The following RNF17 variants were observed in gnomAD, a reference collection of about 807,000 sequenced individuals.
The protein encoded by RNF17 is ring finger protein 17, also known as spermatogenesis associated 23.
In RNF17, 31 loss-of-function variants were observed where a neutral mutation model predicts 200.5. The observed-to-expected ratio is 0.15, with a 90% confidence interval of 0.12 to 0.21. The LOEUF is 0.21. Ranked by LOEUF, RNF17 falls within the 10% of genes least tolerant of loss-of-function variation. RNF17 has a pLI of 1.00. For missense variants in RNF17, 1,628 were observed against 1,905.1 expected, an observed-to-expected ratio of 0.85 and a Z score of 2.71; for synonymous variants, 606 against 637.8, an observed-to-expected ratio of 0.95 and a Z score of 0.75.
At chr13:24,806,897 T>A (rs1034099890) in intron 15 of RNF17, among the ~76,000 whole-genome samples, 1 of 149,946 alleles carries the variant, frequency 6.7e-6, no homozygotes, top group Non-Finnish European at 1.5e-5. Flanking sequence ...GAATATGCGG[T>A]GTTTGGTTTT....
chr13:24,824,571 G>A (rs9551151), intron 15 of RNF17, among the ~76,000 whole-genome samples: 26,681 of 152,018 alleles, frequency 0.18, 2,503 homozygotes, highest in South Asian at 0.32. Flanking sequence ...GGTAGTATAG[G>A]AAACTTTAGA....
At chr13:24,775,252 T>C (rs1277452643) in intron 3 of RNF17, among the ~76,000 whole-genome samples, 1 of 152,160 alleles carries the variant, frequency 6.6e-6, no homozygotes, top group African/African-American at 2.4e-5. Context: ...ATTTTTAAAA[T>C]TCTAAGTTTT....
At chr13:24,886,831 AAGGC>A in the RNF17 span, among the ~76,000 whole-genome samples, 2 of 152,232 alleles carry the variant, frequency 1.3e-5, no homozygotes, top group African/African-American at 4.8e-5. Context: ...CAACTAATAA[AAGGC>A]AGAACCAGGA....
Position 24,789,789 on chromosome 13 carries a change from A to T in RNF17, c.935+17A>T, listed in dbSNP as rs779025138. On this transcript the variant is annotated intron_variant, in intron 9 of 35. Coordinates refer to ENST00000255324, the MANE Select transcript of RNF17 (RefSeq NM_031277.3). ...CTCAACAAAGTAAGTATTTATAAGCATGGTAACATGCCATTAGTGTCTGAC... is the reference window on the plus strand; with the variant it reads ...CTCAACAAAGTAAGTATTTATAAGCTTGGTAACATGCCATTAGTGTCTGAC... 1 of 1,342,164 alleles carries T rather than the reference A, an allele frequency of 7.5e-7. No individual in the cohort carries two copies. The highest frequency in any genetic ancestry group is 1.1e-6 in the Non-Finnish European group (1 of 933,534). 83.1% of individuals were successfully genotyped at this position (1,342,164 alleles called of 1,614,324 possible).
chr13:24,853,770 A>C, intron 24 of RNF17, 85 bp from the exon 25 acceptor site: 1 of 982,682 alleles, frequency 1.0e-6, no homozygotes, highest in Non-Finnish European at 1.4e-6. Flanking sequence ...AATTTCATGT[A>C]TATCTGAATG....
At chr13:24,795,964 ATTTGT>A (rs748574079) in intron 10 of RNF17, among the ~76,000 whole-genome samples, 168 bp from the exon 11 acceptor site, 6 of 152,154 alleles carry the variant, frequency 3.9e-5, no homozygotes, top group Non-Finnish European at 5.9e-5. Flanking sequence ...AAAGTGATCC[ATTTGT>A]TTTATCAATC....
chr13:24,886,229 C>T, the RNF17 span: 1 of 1,009,474 alleles, frequency 9.9e-7, no homozygotes, highest in Admixed American at 2.3e-5. Context: ...ATTGTAAACA[C>T]TCAACTTGGA....
At chr13:24,797,610 C>T (rs1884719239) in intron 11 of RNF17, among the ~76,000 whole-genome samples, 1 of 151,778 alleles carries the variant, frequency 6.6e-6, no homozygotes, top group African/African-American at 2.4e-5. Context: ...CTCTGGTTTC[C>T]TCGCACATCC....
upstream of RNF17, among the ~76,000 whole-genome samples, chr13:24,760,272 A>C (rs1192251873): frequency 2.0e-5 from 3 of 152,226 alleles, no homozygotes; most frequent in Non-Finnish European, 4.4e-5. Context: ...GATTATGATA[A>C]AAAGGGCCTA....
At chr13:24,821,876 C>A (rs1446290) in intron 15 of RNF17, among the ~76,000 whole-genome samples, 130,358 of 151,890 alleles carry the variant, frequency 0.86, 56,019 homozygotes, top group Middle Eastern at 0.93. Context: ...ATAATGAAGC[C>A]GTTTCTTTGT....
intron 22 of RNF17, among the ~76,000 whole-genome samples, chr13:24,848,793 C>T (rs1474779073): frequency 6.6e-6 from 1 of 152,004 alleles, no homozygotes; most frequent in African/African-American, 2.4e-5. Context: ...TATTTATATC[C>T]ATAATAAATC....
At chr13:24,775,577 G>C (rs921382854) in intron 3 of RNF17, among the ~76,000 whole-genome samples, 2 of 152,132 alleles carry the variant, frequency 1.3e-5, no homozygotes, top group African/African-American at 2.4e-5. Flanking sequence ...AGTAGTGCAA[G>C]TATAGTACAA....
At chr13:24,883,884 C>G, downstream of RNF17, 1 of 1,570,230 alleles carries the variant, frequency 6.4e-7, no homozygotes, top group African/African-American at 1.3e-5. Context: ...ATCAGAAACG[C>G]AAGGCTGGGG....
At chr13:24,808,813 C>T (rs1195768271) in intron 15 of RNF17, among the ~76,000 whole-genome samples, 3 of 104,500 alleles carry the variant, frequency 2.9e-5, no homozygotes, top group African/African-American at 7.6e-5. Context: ...TTTTGAGATA[C>T]GTCCCATCAA....
chr13:24,785,088 A>G (rs1371833238), intron 6 of RNF17, among the ~76,000 whole-genome samples: 1 of 151,800 alleles, frequency 6.6e-6, no homozygotes. Context: ...TTTGTTGTGT[A>G]TTTATCTCTT....
At chr13:24,752,353 G>C in the RNF17 span, among the ~76,000 whole-genome samples, 1 of 152,238 alleles carries the variant, frequency 6.6e-6, no homozygotes, top group Non-Finnish European at 1.5e-5. Flanking sequence ...CAGCTGAAGG[G>C]ATAGAGAAAC....
At chr13:24,841,716 TG>T (rs1890655995) in intron 18 of RNF17, among the ~76,000 whole-genome samples, 1 of 152,124 alleles carries the variant, frequency 6.6e-6, no homozygotes. Context: ...CCCAGCACTT[TG>T]GAAGGCCAAG....
chr13:24,775,530 C>T (rs984126982), intron 3 of RNF17, among the ~76,000 whole-genome samples: 2 of 152,226 alleles, frequency 1.3e-5, no homozygotes, highest in South Asian at 2.1e-4. Context: ...GAATTACAGC[C>T]GTGAGCCACT....
At chr13:24,785,918 T>C (rs1883046997) in intron 6 of RNF17, among the ~76,000 whole-genome samples, 1 of 152,196 alleles carries the variant, frequency 6.6e-6, no homozygotes, top group African/African-American at 2.4e-5. Flanking sequence ...TCTTTAGACC[T>C]AAAGTGAAAT....
Sources: allele counts gnomAD v4.1 joint callset (sites outside exome capture counted in the v4.1 genomes callset), GRCh38; gene constraint gnomAD v4.1.1; transcripts MANE v1.5; gene names NCBI Gene and HGNC (gene_info 2026-07-23, HGNC 2026-07-21).